Variants in SHISA6 observed in about 807,000 individuals in gnomAD.
SHISA6 encodes protein shisa-6.
A neutral mutation model predicts 47.9 loss-of-function variants in SHISA6; 22 were observed. That is an observed-to-expected ratio of 0.46 (90% confidence interval 0.33 to 0.66). The LOEUF (loss-of-function observed/expected upper bound fraction) is 0.66, where lower values mean the gene tolerates loss of function less well. Among genes scored for constraint, SHISA6 ranks in the 30% least tolerant of loss-of-function variants. SHISA6 has a pLI of 0.02. For missense variants in SHISA6, 680 were observed against 764.6 expected (o/e 0.89, Z 1.30); for synonymous variants, 388 against 337.8 (o/e 1.15, Z -1.63).
chr17:11,504,325 CTT>C (rs1463435813), intron 3 of SHISA6, among the ~76,000 whole-genome samples: 2 of 152,170 alleles, frequency 1.3e-5, no homozygotes, highest in Admixed American at 6.5e-5. Flanking sequence ...TGGCCCCAAT[CTT>C]TGCTAAACTT....
intron 2 of SHISA6, among the ~76,000 whole-genome samples, chr17:11,319,143 A>T (rs1335597507): frequency 7.0e-6 from 1 of 143,780 alleles, no homozygotes; most frequent in Non-Finnish European, 1.5e-5. Flanking sequence ...TAATGGCATG[A>T]TCTTGGCTCA....
chr17:11,388,790 T>TTTTA (rs1913276456), intron 3 of SHISA6, among the ~76,000 whole-genome samples: 1 of 50,036 alleles, frequency 2.0e-5, no homozygotes, highest in East Asian at 7.5e-4. Context: ...AAACAAAAGT[T>TTTTA]TATATATATA....
intron 3 of SHISA6, among the ~76,000 whole-genome samples, chr17:11,449,733 C>G (rs952740285): frequency 6.6e-6 from 1 of 152,188 alleles, no homozygotes; most frequent in Non-Finnish European, 1.5e-5. Context: ...ACCTCCACAC[C>G]TGGTTCCTTC....
intron 3 of SHISA6, among the ~76,000 whole-genome samples, chr17:11,481,336 ATGTGTGTGTG>A (rs3038693): frequency 0.016 from 2,202 of 141,414 alleles, 30 homozygotes; most frequent in Middle Eastern, 0.026. Context: ...AAAAATATAT[ATGTGTGTGTG>A]TGTGTGTGTG....
intron 2 of SHISA6, among the ~76,000 whole-genome samples, chr17:11,277,569 T>TA (rs1908969717): frequency 6.6e-6 from 1 of 152,190 alleles, no homozygotes; most frequent in South Asian, 2.1e-4. Flanking sequence ...TGCCCTTATT[T>TA]AATACGTTAT....
chr17:11,543,256 C>A (rs1181518721), intron 3 of SHISA6, among the ~76,000 whole-genome samples: 2 of 151,946 alleles, frequency 1.3e-5, no homozygotes, highest in Non-Finnish European at 2.9e-5. Flanking sequence ...TGTATGTATA[C>A]ATATATATAG....
At chr17:11,285,055 T>C (rs4792119) in intron 2 of SHISA6, among the ~76,000 whole-genome samples, 33,437 of 152,178 alleles carry the variant, frequency 0.22, 3,758 homozygotes, top group African/African-American at 0.23. Flanking sequence ...TTGGCTGATA[T>C]GAAATCATCA....
At chr17:11,277,426 C>T (rs1287775492) in intron 2 of SHISA6, among the ~76,000 whole-genome samples, 1 of 152,012 alleles carries the variant, frequency 6.6e-6, no homozygotes, top group Non-Finnish European at 1.5e-5. Context: ...ATGCATTGGA[C>T]TGTAAGTGCC....
chr17:11,370,266 A>G (rs966886022), intron 2 of SHISA6, among the ~76,000 whole-genome samples: 4 of 152,128 alleles, frequency 2.6e-5, no homozygotes, highest in Admixed American at 1.3e-4. Context: ...CTTTCTTAAG[A>G]TAATATCTTA....
chr17:11,515,362 A>G (rs868749365), intron 3 of SHISA6, among the ~76,000 whole-genome samples: 8 of 144,304 alleles, frequency 5.5e-5, no homozygotes, highest in Admixed American at 7.0e-5. Context: ...GGAAGGAAGG[A>G]AGGGAGAGAA....
intron 2 of SHISA6, among the ~76,000 whole-genome samples, chr17:11,317,746 T>G (rs1027949407): frequency 1.3e-5 from 2 of 151,980 alleles, no homozygotes; most frequent in African/African-American, 4.8e-5. Context: ...TAGTCTTCTT[T>G]CCGTTTTAAA....
intron 3 of SHISA6, among the ~76,000 whole-genome samples, chr17:11,480,524 T>TC (rs1416736498): frequency 6.6e-6 from 1 of 152,056 alleles, no homozygotes; most frequent in Non-Finnish European, 1.5e-5. Flanking sequence ...AATCACAGGT[T>TC]CCCCCCTTTC....
chr17:11,429,620 T>TAAAA (rs34738346), intron 3 of SHISA6, among the ~76,000 whole-genome samples: 4 of 121,568 alleles, frequency 3.3e-5, no homozygotes, highest in Non-Finnish European at 3.5e-5. Context: ...CATCTCTACT[T>TAAAA]AAAAAAAAAA....
intron 3 of SHISA6, among the ~76,000 whole-genome samples, chr17:11,482,679 G>A (rs1916251058): frequency 6.6e-6 from 1 of 152,092 alleles, no homozygotes; most frequent in Non-Finnish European, 1.5e-5. Context: ...CATGGTCCTT[G>A]GAAGCAAAAG....
At chr17:11,312,232 C>T (rs912829198) in intron 2 of SHISA6, among the ~76,000 whole-genome samples, 1 of 151,942 alleles carries the variant, frequency 6.6e-6, no homozygotes, top group African/African-American at 2.4e-5. Flanking sequence ...CTTCATTTCC[C>T]TGAGTTTTAT....
intron 2 of SHISA6, among the ~76,000 whole-genome samples, chr17:11,313,662 G>A (rs1354579231): frequency 6.6e-6 from 1 of 152,126 alleles, no homozygotes; most frequent in African/African-American, 2.4e-5. Context: ...GGGATTTGAA[G>A]GGTATGGAGG....
intron 3 of SHISA6, among the ~76,000 whole-genome samples, chr17:11,454,391 C>T (rs1191153193): frequency 6.6e-6 from 1 of 152,186 alleles, no homozygotes; most frequent in Non-Finnish European, 1.5e-5. Flanking sequence ...CTCCACAGAG[C>T]GGGCAAAGTG....
chr17:11,386,852 G>T (rs1913212502), intron 3 of SHISA6, among the ~76,000 whole-genome samples: 1 of 152,170 alleles, frequency 6.6e-6, no homozygotes, highest in African/African-American at 2.4e-5. Context: ...AGGGGTTAGG[G>T]TGACCGACCA....
chr17:11,323,420 C>T (rs9897419), intron 2 of SHISA6, among the ~76,000 whole-genome samples: 1,805 of 152,038 alleles, frequency 0.012, 34 homozygotes, highest in African/African-American at 0.041. Flanking sequence ...TTTGGGAGGC[C>T]GAGGCGGGTG....
Sources: allele counts gnomAD v4.1 joint callset (sites outside exome capture counted in the v4.1 genomes callset), GRCh38; gene constraint gnomAD v4.1.1; transcripts MANE v1.5; gene names NCBI Gene and HGNC (gene_info 2026-07-23, HGNC 2026-07-21).